Variants in TRHDE observed in about 807,000 individuals in gnomAD.
The protein encoded by TRHDE is thyrotropin releasing hormone degrading enzyme.
Under a neutral mutation model 125.7 loss-of-function variants are expected in TRHDE, and 72 were observed. The ratio of observed to expected loss-of-function variants is 0.57; its 90% CI spans 0.47 to 0.70. The LOEUF is 0.70. Ranked by LOEUF, TRHDE falls within the 30% of genes least tolerant of loss-of-function variation. TRHDE has a pLI of 0.00. For missense variants in TRHDE, 1,110 were observed against 1,327.1 expected (o/e 0.84, Z 2.54); for synonymous variants, 509 against 509.1 (o/e 1.00, Z 0.00).
chr12:72,405,573 T>C (rs578242895), intron 3 of TRHDE, among the ~76,000 whole-genome samples: 19 of 152,286 alleles, frequency 1.2e-4, no homozygotes, highest in African/African-American at 4.6e-4. Context: ...TAATTTTCTA[T>C]CCAAAGTCTT....
chr12:72,285,741 G>A (rs1328306604), intron 1 of TRHDE, among the ~76,000 whole-genome samples: 1 of 151,940 alleles, frequency 6.6e-6, no homozygotes, highest in East Asian at 1.9e-4. Context: ...GGATTGTCCC[G>A]ATCTCTTAAC....
intron 3 of TRHDE, among the ~76,000 whole-genome samples, chr12:72,378,833 A>C (rs1315617133): frequency 6.6e-6 from 1 of 152,216 alleles, no homozygotes; most frequent in South Asian, 2.1e-4. Flanking sequence ...GCATAAATGA[A>C]TTAATTGGTT....
chr12:72,216,508 G>A (rs1340454780), intron 2 of TRHDE, among the ~76,000 whole-genome samples: 1 of 152,098 alleles, frequency 6.6e-6, no homozygotes, highest in East Asian at 1.9e-4. Context: ...TGAGAGGAGG[G>A]AATATGGTGG....
chr12:72,150,006 C>A (rs774066634), intron 2 of TRHDE, among the ~76,000 whole-genome samples: 1 of 152,118 alleles, frequency 6.6e-6, no homozygotes, highest in Non-Finnish European at 1.5e-5. Flanking sequence ...ATATGTACCA[C>A]TAATTAATGC....
chr12:72,342,977 T>G (rs1451304916), intron 2 of TRHDE, among the ~76,000 whole-genome samples: 1 of 152,132 alleles, frequency 6.6e-6, no homozygotes, highest in Non-Finnish European at 1.5e-5. Context: ...ATGAGGTGGG[T>G]CCTGTTACTA....
intron 2 of TRHDE, among the ~76,000 whole-genome samples, chr12:72,368,014 A>G (rs946772884): frequency 2.6e-5 from 4 of 152,174 alleles, no homozygotes; most frequent in Admixed American, 6.6e-5. Flanking sequence ...ACTGTTGTAA[A>G]TGTTTTTTTC....
upstream of TRHDE, among the ~76,000 whole-genome samples, chr12:72,268,156 A>G (rs1446170089): frequency 6.6e-6 from 1 of 152,114 alleles, no homozygotes; most frequent in East Asian, 1.9e-4. Context: ...AAACTTCACC[A>G]TTCTTTTTTC....
chr12:72,559,622 C>T (rs1729080182), intron 7 of TRHDE, among the ~76,000 whole-genome samples: 1 of 152,100 alleles, frequency 6.6e-6, no homozygotes, highest in East Asian at 1.9e-4. Context: ...AGAGAAACCA[C>T]AATTCTTTTT....
chr12:72,384,693 T>C (rs1444912438), intron 3 of TRHDE, among the ~76,000 whole-genome samples: 2 of 152,110 alleles, frequency 1.3e-5, no homozygotes, highest in Non-Finnish European at 2.9e-5. Flanking sequence ...TATAATAGAA[T>C]AGTTAAATTA....
At chr12:72,272,209 C>G (rs911515367), upstream of TRHDE, 1 of 426,318 alleles carries the variant, frequency 2.3e-6, no homozygotes, top group Non-Finnish European at 4.7e-6. This position sits in a 1 kb window ranked among gnomAD's most constrained non-coding sequence, Gnocchi z 6.7. Context: ...CTCTCTACAC[C>G]CTCGCTCTTC....
At chr12:72,559,203 A>G (rs1187876920) in intron 7 of TRHDE, among the ~76,000 whole-genome samples, 2 of 152,198 alleles carry the variant, frequency 1.3e-5, no homozygotes, top group Non-Finnish European at 2.9e-5. Context: ...TAAAAAGATT[A>G]CCAGAGAGAA....
chr12:72,295,060 A>G (rs768334152), intron 2 of TRHDE, among the ~76,000 whole-genome samples: 33 of 149,852 alleles, frequency 2.2e-4, no homozygotes, highest in Non-Finnish European at 3.1e-4. Context: ...AAGTGCAGGG[A>G]TGCTTGAGTC....
intron 6 of TRHDE, among the ~76,000 whole-genome samples, chr12:72,538,112 A>G (rs552980981): frequency 2.6e-5 from 4 of 152,000 alleles, no homozygotes; most frequent in Non-Finnish European, 5.9e-5. Flanking sequence ...TTTGCTTTGC[A>G]GAAAAAAATT....
At chr12:72,349,493 G>A (rs1329059206) in intron 2 of TRHDE, among the ~76,000 whole-genome samples, 4 of 151,834 alleles carry the variant, frequency 2.6e-5, no homozygotes, top group Non-Finnish European at 5.9e-5. Flanking sequence ...TTTATCTCTA[G>A]TAAAAAGGAT....
At chr12:72,574,838 A>G (rs1239206077) in intron 10 of TRHDE, among the ~76,000 whole-genome samples, 1 of 152,212 alleles carries the variant, frequency 6.6e-6, no homozygotes, top group Non-Finnish European at 1.5e-5. Context: ...AATGAGCTCT[A>G]TTGTTTTAAT....
At chr12:72,623,974 C>A (rs868046330) in intron 15 of TRHDE, among the ~76,000 whole-genome samples, 1 of 151,960 alleles carries the variant, frequency 6.6e-6, no homozygotes, top group East Asian at 1.9e-4. Flanking sequence ...ATTTTATATT[C>A]TCTGCTTTGC....
intron 12 of TRHDE, among the ~76,000 whole-genome samples, chr12:72,604,418 C>T (rs984487202): frequency 6.8e-6 from 1 of 147,168 alleles, no homozygotes; most frequent in Non-Finnish European, 1.5e-5. Context: ...CATCTTTTCT[C>T]TTAGGTTTCT....
intron 2 of TRHDE, among the ~76,000 whole-genome samples, chr12:72,161,869 G>A (rs534952169): frequency 6.6e-6 from 1 of 152,296 alleles, no homozygotes; most frequent in Admixed American, 6.5e-5. Flanking sequence ...GTGTTTTCAT[G>A]GGTATGAACA....
intron 2 of TRHDE, among the ~76,000 whole-genome samples, chr12:72,112,108 G>A (rs1875329380): frequency 6.6e-6 from 1 of 152,110 alleles, no homozygotes; most frequent in Admixed American, 6.6e-5. Context: ...ACCTACCCTT[G>A]CTTTAATATA....
Sources: gnomAD v4.1 joint callset for allele counts (sites outside exome capture counted in the v4.1 genomes callset) on GRCh38, gnomAD v4.1.1 for gene constraint, Gnocchi (gnomAD v3.1) non-coding constraint, MANE v1.5 for transcripts, NCBI Gene and HGNC (gene_info 2026-07-23, HGNC 2026-07-21) for gene names.